Variants in STK10 observed in about 807,000 individuals in gnomAD.
STK10 encodes serine/threonine-protein kinase 10.
STK10 carries 78 observed loss-of-function variants against 113.8 expected under a neutral mutation model. That is an observed-to-expected ratio of 0.69 (90% CI 0.57 to 0.83). The LOEUF is 0.83. STK10 is among the 40% of genes least tolerant of loss of function. The pLI, the probability that STK10 is intolerant of heterozygous loss-of-function variation, is 0.00. For synonymous variants in STK10, 465 were observed against 494.7 expected, an observed-to-expected ratio of 0.94 and a Z score of 0.80; for missense variants, 1,109 against 1,280.1, an observed-to-expected ratio of 0.87 and a Z score of 2.04.
chr5:172,094,610 C>G (rs1024263693), intron 8 of STK10, among the ~76,000 whole-genome samples: 1 of 152,164 alleles, frequency 6.6e-6, no homozygotes, highest in Admixed American at 6.6e-5. Flanking sequence ...TCTCAAACTC[C>G]TGGACTCAAG....
chr5:172,145,441 C>T (rs572130301), intron 2 of STK10, among the ~76,000 whole-genome samples: 2 of 126,738 alleles, frequency 1.6e-5, no homozygotes, highest in South Asian at 2.7e-4. Flanking sequence ...CAAACCAAGG[C>T]GGCGGGGGTG....
Position 172,093,992 on chromosome 5 carries a change from C to T in STK10, c.1006-32G>A, listed in dbSNP as rs1370965341. The T allele has an allele frequency of 2.3e-6, 3 of 1,331,894 alleles. No individual in the cohort carries two copies. The highest frequency in any genetic ancestry group is 2.9e-6 in the Non-Finnish European group (3 of 1,031,208). 82.5% of individuals were successfully genotyped at this position (1,331,894 alleles called of 1,614,324 possible). ...AAATATATATATATATATTAAAGGCCATGCTGCTGTATGTTCAAGGCAAGA... is the reference window on the plus strand; with the variant it reads ...AAATATATATATATATATTAAAGGCTATGCTGCTGTATGTTCAAGGCAAGA... On this transcript the variant is annotated intron_variant, in intron 8 of 18. Transcript: ENST00000176763. This position sits in a 1 kb window ranked among gnomAD's most constrained non-coding sequence, Gnocchi z 4.1.
chr5:172,115,565 A>G (rs980655337), intron 4 of STK10, among the ~76,000 whole-genome samples: 1 of 152,026 alleles, frequency 6.6e-6, no homozygotes, highest in Non-Finnish European at 1.5e-5. Context: ...TGATGTACAC[A>G]TTTTCCTGTC....
chr5:172,110,717 T>G (rs1447325596), intron 4 of STK10, among the ~76,000 whole-genome samples: 2 of 152,140 alleles, frequency 1.3e-5, no homozygotes. Flanking sequence ...ACAAAGCCTC[T>G]GAGCCTCAGT....
chr5:172,115,502 T>G (rs1199399987), intron 4 of STK10, among the ~76,000 whole-genome samples: 1 of 152,104 alleles, frequency 6.6e-6, no homozygotes, highest in East Asian at 1.9e-4. Context: ...TGTTCCAGGT[T>G]TCAACTAACT....
At chr5:172,054,445 T>A in intron 17 of STK10, 124 bp downstream of exon 17, 1 of 1,405,666 alleles carries the variant, frequency 7.1e-7, no homozygotes, top group Non-Finnish European at 9.6e-7. Flanking sequence ...CTGGAAACCA[T>A]CCATCCCGGG....
At chr5:172,141,028 G>A (rs1414258876) in intron 2 of STK10, among the ~76,000 whole-genome samples, 1 of 152,208 alleles carries the variant, frequency 6.6e-6, no homozygotes, top group Admixed American at 6.5e-5. Flanking sequence ...GGCAAGTACT[G>A]CAGATTCCAC....
At chr5:172,169,906 C>T (rs2113832058) in intron 1 of STK10, among the ~76,000 whole-genome samples, 1 of 152,236 alleles carries the variant, frequency 6.6e-6, no homozygotes, top group East Asian at 1.9e-4. Flanking sequence ...TTGCGGAAGC[C>T]AGGACACCAG....
chr5:172,186,927 C>G (rs73315909), intron 1 of STK10, among the ~76,000 whole-genome samples: 3,027 of 152,140 alleles, frequency 0.02, 94 homozygotes, highest in African/African-American at 0.064. Flanking sequence ...GGTCAGAGTG[C>G]CCTACAAGCT....
chr5:172,135,286 G>A (rs1351048908), intron 2 of STK10, among the ~76,000 whole-genome samples: 1 of 152,148 alleles, frequency 6.6e-6, no homozygotes, highest in African/African-American at 2.4e-5. Context: ...GCTGAGGTGG[G>A]TGGATCACCT....
intron 2 of STK10, among the ~76,000 whole-genome samples, chr5:172,134,646 C>T (rs149043217): frequency 1.5e-4 from 22 of 150,176 alleles, no homozygotes; most frequent in African/African-American, 3.0e-4. Context: ...CAATGGCTCA[C>T]GCCTGTAATC....
intron 1 of STK10, among the ~76,000 whole-genome samples, chr5:172,166,400 T>C (rs1770572462): frequency 6.6e-6 from 1 of 152,120 alleles, no homozygotes; most frequent in African/African-American, 2.4e-5. Context: ...ATGAGTTCCC[T>C]CTCTCTGGGG....
intron 1 of STK10, among the ~76,000 whole-genome samples, chr5:172,162,901 A>G (rs554731211): frequency 6.6e-5 from 10 of 152,342 alleles, no homozygotes; most frequent in African/African-American, 2.2e-4. Context: ...CCATCCTGAA[A>G]GGCAGCACTG....
intron 10 of STK10, among the ~76,000 whole-genome samples, chr5:172,083,696 T>A (rs1344874893): frequency 6.6e-6 from 1 of 151,952 alleles, no homozygotes. Context: ...TCACCTGAGG[T>A]CAGGAGTTTG....
intron 7 of STK10, among the ~76,000 whole-genome samples, chr5:172,102,409 C>T (rs1457641021): frequency 6.6e-6 from 1 of 152,144 alleles, no homozygotes; most frequent in African/African-American, 2.4e-5. Flanking sequence ...AAGTGCTCAG[C>T]GTTCAGTGTG....
intron 4 of STK10, chr5:172,114,473 A>ATATATATATTTTTTTT (rs1226289994): frequency 2.1e-5 from 1 of 47,538 alleles, no homozygotes; most frequent in African/African-American, 1.4e-4. Flanking sequence ...ATATATATAT[A>ATATATATATTTTTTTT]TTTTTTTTTT....
intron 3 of STK10, among the ~76,000 whole-genome samples, chr5:172,123,759 TTCTACCCTGTTG>T (rs570267685): frequency 3.0e-4 from 45 of 152,174 alleles, no homozygotes; most frequent in Admixed American, 2.0e-3. Flanking sequence ...TGGGTGGTTA[TTCTACCCTGTTG>T]TCTACCCTGC....
intron 3 of STK10, among the ~76,000 whole-genome samples, chr5:172,124,609 G>C (rs2113785257): frequency 6.6e-6 from 1 of 152,212 alleles, no homozygotes; most frequent in South Asian, 2.1e-4. Context: ...CCCGGGATGG[G>C]GATGGACTAC....
intron 14 of STK10, 60 bp from the exon 15 acceptor site, chr5:172,057,533 C>T (rs2113697417): frequency 6.6e-7 from 1 of 1,522,878 alleles, no homozygotes; most frequent in South Asian, 1.2e-5. Context: ...CGACAGGCCC[C>T]CTGCCCCCCA....
Sources: allele counts gnomAD v4.1 joint callset (sites outside exome capture counted in the v4.1 genomes callset), GRCh38; gene constraint gnomAD v4.1.1; non-coding constraint Gnocchi (gnomAD v3.1); transcripts MANE v1.5; gene names NCBI Gene and HGNC (gene_info 2026-07-23, HGNC 2026-07-21).